The following PIK3CA variants were observed in gnomAD, a reference collection of about 807,000 sequenced individuals.
PIK3CA encodes phosphatidylinositol 4,5-bisphosphate 3-kinase catalytic subunit alpha isoform.
In PIK3CA, 27 loss-of-function variants were observed where a neutral mutation model predicts 138.2. That is an observed-to-expected ratio of 0.20 (90% CI 0.14 to 0.27). The LOEUF (loss-of-function observed/expected upper bound fraction) is 0.27. PIK3CA is among the 10% of genes least tolerant of loss of function. The probability of loss-of-function intolerance (pLI) is 1.00; values close to 1 mark genes in which losing one functional copy is unlikely to be tolerated. For synonymous variants in PIK3CA, 358 were observed against 413.2 expected (o/e 0.87, Z 1.62); for missense variants, 544 against 1,277.4 (o/e 0.43, Z 8.75).
At chr3:179,172,679 A>G (rs1218783306) in intron 1 of PIK3CA, among the ~76,000 whole-genome samples, 2 of 152,214 alleles carry the variant, frequency 1.3e-5, no homozygotes, top group African/African-American at 4.8e-5. Context: ...AAACCTGTAC[A>G]CTGAACACTA....
chr3:179,148,806 G>A (rs1722926335), intron 1 of PIK3CA, among the ~76,000 whole-genome samples: 1 of 152,144 alleles, frequency 6.6e-6, no homozygotes, highest in African/African-American at 2.4e-5. Context: ...GCAGAGGCGA[G>A]GGCTCGCCGC....
intron 1 of PIK3CA, among the ~76,000 whole-genome samples, chr3:179,181,129 C>T (rs575023921): frequency 8.5e-5 from 13 of 152,112 alleles, no homozygotes; most frequent in Admixed American, 4.6e-4. Flanking sequence ...TTTTCTGTCA[C>T]CACACACCAG....
At chr3:179,151,898 C>G (rs1172926705) in intron 1 of PIK3CA, among the ~76,000 whole-genome samples, 1 of 152,168 alleles carries the variant, frequency 6.6e-6, no homozygotes, top group Non-Finnish European at 1.5e-5. Context: ...ACTGTCATAG[C>G]ATTAACCTCA....
chr3:179,150,556 T>C (rs1178667754), intron 1 of PIK3CA, among the ~76,000 whole-genome samples: 1 of 152,160 alleles, frequency 6.6e-6, no homozygotes, highest in Non-Finnish European at 1.5e-5. Context: ...TAAATACAAA[T>C]ATTGTACTTA....
In PIK3CA at chr3:179,238,855, G is replaced by A. The variant is rs544397637; in HGVS notation, c.*4491G>A. 15 of 219,774 alleles carry A rather than the reference G, an allele frequency of 6.8e-5. No individual in the cohort carries two copies. In the South Asian group the frequency reaches 1.5e-3, roughly 22 times the overall value. 13.6% of individuals were successfully genotyped at this position (219,774 alleles called of 1,614,324 possible). A position where few individuals can be genotyped will look rare whatever the true frequency, so the allele number is the denominator to read the frequency against. ...AAGAAATATCAAGGTTCTAAAATTC[G>A]GAAGAGTTTAGAATTTATTAGGAGT... is the stretch of plus-strand genomic sequence containing the variant. On this transcript the variant is annotated 3_prime_UTR_variant, in exon 21 of 21. Transcript: ENST00000263967.
chr3:179,159,419 A>T (rs943947985), intron 1 of PIK3CA, among the ~76,000 whole-genome samples: 1 of 152,202 alleles, frequency 6.6e-6, no homozygotes, highest in Non-Finnish European at 1.5e-5. Context: ...ATTTTTCTAT[A>T]TGTACACACA....
intron 1 of PIK3CA, among the ~76,000 whole-genome samples, chr3:179,152,529 G>A (rs577479316): frequency 6.6e-6 from 1 of 152,250 alleles, no homozygotes; most frequent in African/African-American, 2.4e-5. Context: ...ACTTTGGACA[G>A]ATTTTCTTAT....
intron 1 of PIK3CA, among the ~76,000 whole-genome samples, chr3:179,178,338 C>T (rs1723755911): frequency 6.7e-6 from 1 of 149,258 alleles, no homozygotes; most frequent in Admixed American, 6.7e-5. Flanking sequence ...GGGCAAAAGA[C>T]TCGAGCAGAC....
intron 1 of PIK3CA, among the ~76,000 whole-genome samples, chr3:179,165,024 T>C (rs1159289848): frequency 6.6e-6 from 1 of 152,164 alleles, no homozygotes; most frequent in Admixed American, 6.5e-5. Flanking sequence ...ACTGCCTTAG[T>C]TTATTCCTTT....
At chr3:179,165,286 A>G (rs1723389828) in intron 1 of PIK3CA, among the ~76,000 whole-genome samples, 1 of 152,188 alleles carries the variant, frequency 6.6e-6, no homozygotes, top group South Asian at 2.1e-4. Flanking sequence ...ATGCTTCTCA[A>G]ACTTGGGTTG....
intron 17 of PIK3CA, among the ~76,000 whole-genome samples, chr3:179,226,819 G>C (rs917380606): frequency 1.3e-5 from 2 of 152,096 alleles, no homozygotes; most frequent in Non-Finnish European, 1.5e-5. Context: ...GGACATTTCA[G>C]GTGACCTGCT....
chr3:179,238,111 TA>T lies in PIK3CA; in HGVS notation c.*3748del, dbSNP rs1346164069. ...AGTTGTTTGAATGAATTACATTCTT[TA>T]TATCCATCCTGCTCATTTGGGGCAT... On this transcript the variant is annotated 3_prime_UTR_variant, in exon 21 of 21. Transcript: ENST00000263967. The T allele has an allele frequency of 8.9e-6, 2 of 225,604 alleles. No individual in the cohort carries two copies. Among genetic ancestry groups the T allele is most frequent in the African/African-American group, 4.5e-5 (2 of 44,862 alleles). 14.0% of individuals were successfully genotyped at this position (225,604 alleles called of 1,614,324 possible). A position where few individuals can be genotyped will look rare whatever the true frequency, so the allele number is the denominator to read the frequency against.
chr3:179,195,459 A>G (rs1193787232), intron 1 of PIK3CA, among the ~76,000 whole-genome samples: 2 of 152,126 alleles, frequency 1.3e-5, no homozygotes, highest in Non-Finnish European at 2.9e-5. Flanking sequence ...TCTTCACAAC[A>G]GTCCAGTGAA....
At chr3:179,187,365 G>A (rs1175480225) in intron 1 of PIK3CA, among the ~76,000 whole-genome samples, 7 of 151,348 alleles carry the variant, frequency 4.6e-5, no homozygotes, top group South Asian at 4.2e-4. Context: ...GTGAAACCCC[G>A]TCTCTACTAA....
Position 179,234,722 on chromosome 3 carries a change from T to C in PIK3CA, c.*358T>C. On this transcript the variant is annotated 3_prime_UTR_variant, in exon 21 of 21. Coordinates refer to ENST00000263967, the MANE Select transcript of PIK3CA (RefSeq NM_006218.4). This position sits in a 1 kb window ranked among gnomAD's most constrained non-coding sequence, Gnocchi z 5.1. ...GATGGAGAAGGAAAAAGTGATGGTT[T>C]TTTTTGTCTTGCAAATGTTCTATGT... 4.1e-6 allele frequency: 1 copy of C among 241,800 alleles called. No homozygotes were observed. 15.0% of individuals were successfully genotyped at this position (241,800 alleles called of 1,614,324 possible). A position where few individuals can be genotyped will look rare whatever the true frequency, so the allele number is the denominator to read the frequency against.
chr3:179,151,060 TATAAA>T (rs1560119675), intron 1 of PIK3CA, among the ~76,000 whole-genome samples: 1 of 152,226 alleles, frequency 6.6e-6, no homozygotes, highest in African/African-American at 2.4e-5. Flanking sequence ...TCTTAAGCAT[TATAAA>T]ATATTTCATC....
chr3:179,165,600 G>A (rs904077891), intron 1 of PIK3CA, among the ~76,000 whole-genome samples: 9 of 152,074 alleles, frequency 5.9e-5, no homozygotes, highest in Non-Finnish European at 1.2e-4. Flanking sequence ...TGATCCTTAC[G>A]CATATGATCC....
chr3:179,183,775 A>G (rs1185521666), intron 1 of PIK3CA, among the ~76,000 whole-genome samples: 1 of 152,242 alleles, frequency 6.6e-6, no homozygotes, highest in Non-Finnish European at 1.5e-5. Context: ...TAACTAGACA[A>G]AAATGTCAGG....
chr3:179,162,655 T>G (rs942029509), intron 1 of PIK3CA, among the ~76,000 whole-genome samples: 4 of 152,110 alleles, frequency 2.6e-5, no homozygotes, highest in Non-Finnish European at 4.4e-5. Flanking sequence ...TAGCAGTAAT[T>G]GTTTAGAAAA....
Sources: gnomAD v4.1 joint callset for allele counts (sites outside exome capture counted in the v4.1 genomes callset) on GRCh38, gnomAD v4.1.1 for gene constraint, Gnocchi (gnomAD v3.1) non-coding constraint, MANE v1.5 for transcripts, NCBI Gene and HGNC (gene_info 2026-07-23, HGNC 2026-07-21) for gene names.